The following LRRC69 variants were observed in gnomAD, a reference collection of about 807,000 sequenced individuals.
LRRC69 encodes leucine-rich repeat-containing protein 69.
Under a neutral mutation model 37.8 loss-of-function variants are expected in LRRC69, and 42 were observed. The ratio of observed to expected loss-of-function variants is 1.11; its 90% CI spans 0.87 to 1.44. The LOEUF (loss-of-function observed/expected upper bound fraction) is 1.44, where lower values mean the gene tolerates loss of function less well. Ranked by LOEUF, LRRC69 falls within the 40% of genes most tolerant of loss-of-function variation. The probability of loss-of-function intolerance (pLI) is 0.00; values close to 1 mark genes in which losing one functional copy is unlikely to be tolerated. For missense variants in LRRC69, 357 were observed against 401.9 expected, an observed-to-expected ratio of 0.89 and a Z score of 0.96; for synonymous variants, 141 against 143.1, an observed-to-expected ratio of 0.99 and a Z score of 0.11.
intron 5 of LRRC69, among the ~76,000 whole-genome samples, chr8:91,161,960 T>C (rs1482300806): frequency 6.6e-6 from 1 of 151,356 alleles, no homozygotes; most frequent in Non-Finnish European, 1.5e-5. Context: ...AGTGTTTCTG[T>C]TTTCATTTGT....
At chr8:91,146,753 T>A (rs1405611246) in intron 5 of LRRC69, among the ~76,000 whole-genome samples, 1 of 151,784 alleles carries the variant, frequency 6.6e-6, no homozygotes, top group Non-Finnish European at 1.5e-5. Flanking sequence ...AAAACTAATT[T>A]GTCACAATTA....
chr8:91,158,273 C>G, intron 5 of LRRC69: 2 of 1,532,616 alleles, frequency 1.3e-6, no homozygotes, highest in Non-Finnish European at 1.8e-6. Flanking sequence ...GATTGTTTGT[C>G]GAAGACATTA....
At chr8:91,194,591 G>A (rs1308597906) in intron 6 of LRRC69, among the ~76,000 whole-genome samples, 2 of 151,032 alleles carry the variant, frequency 1.3e-5, no homozygotes, top group East Asian at 1.9e-4. Flanking sequence ...TGTATGTGTC[G>A]AGGAATTTAT....
chr8:91,133,666 G>A lies in LRRC69; in HGVS notation c.579+361G>A, dbSNP rs943008112. 2.0e-5 allele frequency among the ~76,000 whole-genome samples: 3 copies of A among 151,994 alleles called. No individual in the cohort carries two copies. In the East Asian group the frequency reaches 5.8e-4, roughly 29 times the overall value. ...TTTCTTCTTTTTGAGACAGAGTCTTGCTCTGTTGCCTAGGCTGGAGTGCAG... is the reference window on the plus strand; with the variant it reads ...TTTCTTCTTTTTGAGACAGAGTCTTACTCTGTTGCCTAGGCTGGAGTGCAG... On this transcript the variant is annotated intron_variant, in intron 4 of 7. Coordinates refer to ENST00000448384, the Ensembl canonical transcript of LRRC69.
rs1385781424 is a variant in LRRC69 at position 91,149,956 on chromosome 8, G to T, written c.651+14217G>T. 2.6e-5 allele frequency among the ~76,000 whole-genome samples: 4 copies of T among 152,112 alleles called. No individual in the cohort carries two copies. The East Asian group carries it at 7.7e-4, about 29-fold the overall frequency. ...TTTTGTATCCTGAGACTTTGCTGAA[G>T]TTGCCTATCAGCTTAAGGAGATTTT... is the stretch of plus-strand genomic sequence containing the variant. On this transcript the variant is annotated intron_variant, in intron 5 of 7. Transcript: ENST00000448384.
intron 6 of LRRC69, among the ~76,000 whole-genome samples, chr8:91,199,966 G>T (rs1338756325): frequency 6.6e-6 from 1 of 151,994 alleles, no homozygotes; most frequent in Non-Finnish European, 1.5e-5. Flanking sequence ...AGGTAGATAG[G>T]TTTAACTGAG....
At chr8:91,166,178 G>A (rs1809024463) in intron 5 of LRRC69, among the ~76,000 whole-genome samples, 1 of 151,718 alleles carries the variant, frequency 6.6e-6, no homozygotes, top group South Asian at 2.1e-4. Context: ...CTACCATGAG[G>A]ATTGACTGAG....
intron 5 of LRRC69, among the ~76,000 whole-genome samples, chr8:91,170,198 T>G (rs1267490156): frequency 9.9e-6 from 1 of 101,062 alleles, no homozygotes; most frequent in Non-Finnish European, 2.1e-5. Context: ...GTTTCCTGAC[T>G]TTTTAATGAT....
chr8:91,158,426 T>A (rs1808878507), intron 5 of LRRC69: 2 of 1,379,500 alleles, frequency 1.4e-6, no homozygotes, highest in Admixed American at 3.4e-5. Context: ...TGATGAGGAA[T>A]TCATAGAAAG....
At chr8:91,186,329 A>G (rs569053420) in intron 5 of LRRC69, among the ~76,000 whole-genome samples, 29 of 152,292 alleles carry the variant, frequency 1.9e-4, no homozygotes, top group African/African-American at 7.0e-4. Context: ...ATTAATTTAT[A>G]TACCAGGCCC....
chr8:91,173,423 T>C (rs962651706), intron 5 of LRRC69, among the ~76,000 whole-genome samples: 33 of 152,224 alleles, frequency 2.2e-4, no homozygotes, highest in African/African-American at 7.7e-4. Flanking sequence ...TGTATTTAAG[T>C]GGCTATTTAT....
chr8:91,110,963 G>GAT (rs1292135509), intron 1 of LRRC69, among the ~76,000 whole-genome samples: 2 of 152,024 alleles, frequency 1.3e-5, no homozygotes, highest in East Asian at 1.9e-4. Context: ...AAACTGATGT[G>GAT]GAGCCATAAT....
chr8:91,194,874 G>A (rs1301707678), intron 6 of LRRC69, among the ~76,000 whole-genome samples: 1 of 151,386 alleles, frequency 6.6e-6, no homozygotes, highest in Non-Finnish European at 1.5e-5. Flanking sequence ...GTTATTTCTT[G>A]CCTTCTGCTA....
At chr8:91,123,055 T>C (rs1209221267) in intron 1 of LRRC69, among the ~76,000 whole-genome samples, 1 of 152,044 alleles carries the variant, frequency 6.6e-6, no homozygotes, top group Non-Finnish European at 1.5e-5. Flanking sequence ...CATTGCTGGC[T>C]TTAAAGGGGA....
chr8:91,196,544 C>CT (rs1369699299), intron 6 of LRRC69, among the ~76,000 whole-genome samples: 12 of 152,088 alleles, frequency 7.9e-5, no homozygotes, highest in Admixed American at 7.2e-4. Flanking sequence ...TTGCTCATTT[C>CT]TTTTTATTCT....
chr8:91,193,475 C>A, intron 6 of LRRC69, among the ~76,000 whole-genome samples: 1 of 121,036 alleles, frequency 8.3e-6, no homozygotes, highest in Admixed American at 9.1e-5. Context: ...TCTTCCTACC[C>A]ATGAGCATGG....
chr8:91,149,176 G>T (rs1291567895), intron 5 of LRRC69, among the ~76,000 whole-genome samples: 1 of 151,868 alleles, frequency 6.6e-6, no homozygotes, highest in African/African-American at 2.4e-5. Context: ...TGTCCTGAAT[G>T]GTATTGCCTA....
At chr8:91,109,333 C>A (rs1032740773) in intron 1 of LRRC69, among the ~76,000 whole-genome samples, 1 of 152,048 alleles carries the variant, frequency 6.6e-6, no homozygotes, top group African/African-American at 2.4e-5. Flanking sequence ...ATCTGTAGAC[C>A]TGCCTTGACT....
rs1300088299 is a variant in LRRC69, at chr8:91,191,439, C to G, written c.753+1816C>G. On this transcript the variant is annotated intron_variant, in intron 6 of 7. Transcript: ENST00000448384. ...GTTCTAAGCACTTAACAGGAATAAA[C>G]TAATTTAGTCCTCTACTAACCCTAA... 2.6e-5 allele frequency among the ~76,000 whole-genome samples: 4 copies of G among 152,222 alleles called. No homozygotes were observed. The East Asian group carries it at 7.7e-4, about 29-fold the overall frequency.
Sources: allele counts gnomAD v4.1 joint callset (sites outside exome capture counted in the v4.1 genomes callset), GRCh38; gene constraint gnomAD v4.1.1; transcripts MANE v1.5; gene names NCBI Gene and HGNC (gene_info 2026-07-23, HGNC 2026-07-21).